Variants in TP73 observed in about 807,000 individuals in gnomAD.
TP73 encodes tumor protein p73.
TP73 carries 25 observed loss-of-function variants against 62.5 expected under a neutral mutation model. That is an observed-to-expected ratio of 0.40 (90% CI 0.29 to 0.56). The LOEUF is 0.56. Among genes scored for constraint, TP73 ranks in the 20% least tolerant of loss-of-function variants. The probability of loss-of-function intolerance (pLI) is 0.46; values close to 1 mark genes in which losing one functional copy is unlikely to be tolerated. For missense variants in TP73, 754 were observed against 913.3 expected, an observed-to-expected ratio of 0.83 and a Z score of 2.25; for synonymous variants, 423 against 377.5, an observed-to-expected ratio of 1.12 and a Z score of -1.40.
intron 5 of TP73, among the ~76,000 whole-genome samples, chr1:3,722,529 G>A (rs769430973): frequency 3.0e-4 from 46 of 152,328 alleles, no homozygotes; most frequent in Non-Finnish European, 6.0e-4. Context: ...CCAAGGATTA[G>A]CAGGAGAATC....
chr1:3,677,429 C>T lies in TP73; in HGVS notation c.-33-4904C>T, dbSNP rs114637627. Among the ~76,000 whole-genome samples the T allele has an allele frequency of 5.6e-3, 847 of 152,248 alleles. 7 individuals are homozygous for T. The highest frequency in any genetic ancestry group is 0.019 in the African/African-American group (788 of 41,528). ...GGCCTCATGGAAGTTGGGGCAGGGT[C>T]GAGGTGCCCTGCTTCCTGGGTGTGC... On this transcript the variant is annotated intron_variant, in intron 1 of 13. Transcript: ENST00000378295.
At chr1:3,654,096 C>T (rs1286235276) in intron 1 of TP73, among the ~76,000 whole-genome samples, 2 of 152,198 alleles carry the variant, frequency 1.3e-5, no homozygotes, top group African/African-American at 4.8e-5. Context: ...ATTGCTTGAA[C>T]CTGGGATGGA....
chr1:3,735,316 T>C lies in TP73; in HGVS notation c.*2237T>C, dbSNP rs1483779172. On this transcript the variant is annotated 3_prime_UTR_variant, in exon 14 of 14. Coordinates refer to ENST00000378295, the MANE Select transcript of TP73 (RefSeq NM_005427.4). ...AGGGCTTGTTGATTTGTTTCTTAGG[T>C]ACGTTACCTGTCCACCCTGAGTCCA... The C allele has an allele frequency of 6.6e-6, 1 of 151,636 alleles. No individual in the cohort carries two copies. The highest frequency in any genetic ancestry group is 2.4e-5 in the African/African-American group (1 of 41,238). 9.4% of individuals were successfully genotyped at this position (151,636 alleles called of 1,614,324 possible). A position where few individuals can be genotyped will look rare whatever the true frequency, so the allele number is the denominator to read the frequency against.
chr1:3,714,452 GAGGATGGTGGGGGCA>G (rs960175218), intron 4 of TP73, among the ~76,000 whole-genome samples: 2 of 152,228 alleles, frequency 1.3e-5, no homozygotes, highest in African/African-American at 2.4e-5. Flanking sequence ...GGGTGGGGGT[GAGGATGGTGGGGGCA>G]AGGATGGTGG....
At position 3,707,696 on chromosome 1, in the gene TP73, G is replaced by T. The variant is rs756265756; in HGVS notation, c.334G>T (p.Ala112Ser). The T allele has an allele frequency of 9.9e-6, 16 of 1,613,112 alleles. No homozygotes were observed. The Admixed American group carries it at 2.7e-4, about 27-fold the overall frequency. ...PSSTFDTMSP[A>S]PVIPSNTDYP... is the part of the protein sequence containing the mutation. ...CTCCACCTTCGACACCATGTCGCCG[G>T]CGCCTGTCATCCCCTCCAACACCGA... Residue 112 changes from alanine (A) to serine (S), a missense_variant, in exon 4 of 14, where the codon GCG (alanine) becomes TCG (serine). Transcript: ENST00000378295.
Position 3,692,565 on chromosome 1 carries a change from G to A in TP73, c.186+9385G>A, listed in dbSNP as rs532716448. On this transcript the variant is annotated intron_variant, in intron 3 of 13. Transcript: ENST00000378295. ...AACGCACAGCAGGCCTGGGGCTCCT[G>A]GGGGGCTGCCTTGTACCCCCAGACT... 5.9e-4 allele frequency among the ~76,000 whole-genome samples: 90 copies of A among 152,156 alleles called. 1 individual carries two copies. The highest frequency in any genetic ancestry group is 1.1e-3 in the Non-Finnish European group (75 of 68,016).
rs764474137 is a variant in TP73, at chr1:3,731,051, C to G, written c.1470C>G (p.Asp490Glu). Reference protein sequence around the residue: ...HCTPPPPYHADPSLVSFLTGL... With the variant: ...HCTPPPPYHAEPSLVSFLTGL... ...CTCCGCCACCCCCCTACCACGCCGA[C>G]CCCAGCCTCGTCAGGTGCGTGGGCT... Residue 490 changes from aspartate (D) to glutamate (E), a missense_variant, in exon 12 of 14, where the codon GAC (aspartate) becomes GAG (glutamate). By Grantham distance (45) the Asp-to-Glu change is conservative. Around this residue, in one of 3 missense-constraint regions of TP73, gnomAD observed 458 missense variants for 528.7 expected, o/e 0.87. Coordinates refer to ENST00000378295, the MANE Select transcript of TP73 (RefSeq NM_005427.4). 2 of 1,611,672 alleles carry G rather than the reference C, an allele frequency of 1.2e-6. No individual in the cohort carries two copies. Among genetic ancestry groups the G allele is most frequent in the Admixed American group, 3.3e-5 (2 of 59,946 alleles).
rs1055838968 is a variant in TP73, at chr1:3,663,182, C to T, written c.-34+10541C>T. ...GGGGAGAAGGGGCCTCTCTTCTTCA[C>T]GAGGCTGGTGGCTGCGGCACCTACA... is the stretch of plus-strand genomic sequence containing the variant. On this transcript the variant is annotated intron_variant, in intron 1 of 13. Transcript: ENST00000378295. The surrounding 1 kb of genome is among the most constrained non-coding windows in gnomAD (Gnocchi z 4.7). Among the ~76,000 whole-genome samples, 4 of 152,230 alleles carry T rather than the reference C, an allele frequency of 2.6e-5. No homozygotes were observed. The highest frequency in any genetic ancestry group is 5.9e-5 in the Non-Finnish European group (4 of 68,022).
Position 3,699,488 on chromosome 1 carries a change from G to C in TP73, c.187-8061G>C, listed in dbSNP as rs1638972511. On this transcript the variant is annotated intron_variant, in intron 3 of 13. Coordinates refer to ENST00000378295, the MANE Select transcript of TP73 (RefSeq NM_005427.4). The surrounding 1 kb of genome is among the most constrained non-coding windows in gnomAD (Gnocchi z 4.1). ...TGTCCAGGCTGGAGGGAGAAGGCCA[G>C]GAGGCCAGAGGGAGGCCAGCTGAGC... Among the ~76,000 whole-genome samples the C allele has an allele frequency of 2.0e-5, 3 of 152,206 alleles. No homozygotes were observed. The highest frequency in any genetic ancestry group is 7.2e-5 in the African/African-American group (3 of 41,460).
At chr1:3,693,770 A>ACAATCCTAGTCC (rs1459985902) in intron 3 of TP73, among the ~76,000 whole-genome samples, 1 of 43,456 alleles carries the variant, frequency 2.3e-5, no homozygotes, top group Non-Finnish European at 5.1e-5. Context: ...AATCCCACCC[A>ACAATCCTAGTCC]TGCAGCCTCA....
At chr1:3,729,657 T>G in intron 10 of TP73, 3 of 907,222 alleles carry the variant, frequency 3.3e-6, no homozygotes, top group Non-Finnish European at 5.3e-6. Context: ...TCATGGCCCT[T>G]GCTATGCCTC....
chr1:3,659,637 A>G (rs987642205), intron 1 of TP73, among the ~76,000 whole-genome samples: 3 of 152,118 alleles, frequency 2.0e-5, no homozygotes, highest in Non-Finnish European at 2.9e-5. Context: ...TGTTCTTTCT[A>G]CATCACCCCT....
rs370414768 is a variant in TP73, at chr1:3,657,446, GATCTT to G, written c.-34+4811_-34+4815del. Among the ~76,000 whole-genome samples the G allele has an allele frequency of 5.7e-3, 863 of 152,272 alleles. 6 individuals carry two copies. Among genetic ancestry groups the G allele is most frequent in the African/African-American group, 0.017 (719 of 41,558 alleles). ...CGGGCCCACCTGGAAAATCCAGAAT[GATCTT>G]ATCTTGAGACCCTTACCTAAGTGGC... is the stretch of plus-strand genomic sequence containing the variant. On this transcript the variant is annotated intron_variant, in intron 1 of 13. Transcript: ENST00000378295.
At position 3,707,785 on chromosome 1, in the gene TP73, C is replaced by G; in HGVS notation, c.423C>G (p.Thr141=). ...AGTCCAGCACGGCCAAGTCAGCCACCTGGACGGTGAGTTCCCCTAGTCCCT... is the reference window on the plus strand; with the variant it reads ...AGTCCAGCACGGCCAAGTCAGCCACGTGGACGGTGAGTTCCCCTAGTCCCT... ...FQQSSTAKSA[T]WTYSPLLKKL... Residue 141 remains threonine, a synonymous_variant, in exon 4 of 14, where the codon ACC becomes ACG. Coordinates refer to ENST00000378295, the MANE Select transcript of TP73 (RefSeq NM_005427.4). 2 of 1,612,670 alleles carry G rather than the reference C, an allele frequency of 1.2e-6. No individual in the cohort carries two copies. Among genetic ancestry groups the G allele is most frequent in the Non-Finnish European group, 8.5e-7 (1 of 1,179,856 alleles).
rs113289380 is a variant in TP73, at chr1:3,699,538, C to G, written c.187-8011C>G. Among the ~76,000 whole-genome samples the G allele has an allele frequency of 1.2e-4, 18 of 152,174 alleles. No homozygotes were observed. The highest frequency in any genetic ancestry group is 2.6e-4 in the Non-Finnish European group (18 of 68,024). ...CCCTCAGGAGACTCCAGGCAGGCCC[C>G]GATGCCAGACTCCAGCCCTCAAACA... On this transcript the variant is annotated intron_variant, in intron 3 of 13. Coordinates refer to ENST00000378295, the MANE Select transcript of TP73 (RefSeq NM_005427.4). The surrounding 1 kb of genome is among the most constrained non-coding windows in gnomAD (Gnocchi z 4.1).
At chr1:3,679,382 G>A (rs912789942) in intron 1 of TP73, among the ~76,000 whole-genome samples, 4 of 152,166 alleles carry the variant, frequency 2.6e-5, no homozygotes, top group African/African-American at 2.4e-5. Flanking sequence ...GGGGTGCGGC[G>A]GGATGCCGTC....
Position 3,701,689 on chromosome 1 carries a change from A to T in TP73, c.187-5860A>T, listed in dbSNP as rs372604721. ...CCAGCTAATTTTTTTTTGTAGTTTT[A>T]GTAGAGACGGGGTTTCACCATATTG... is the stretch of plus-strand genomic sequence containing the variant. On this transcript the variant is annotated intron_variant, in intron 3 of 13. Coordinates refer to ENST00000378295, the MANE Select transcript of TP73 (RefSeq NM_005427.4). The surrounding 1 kb of genome is among the most constrained non-coding windows in gnomAD (Gnocchi z 4.7). 6.6e-6 allele frequency among the ~76,000 whole-genome samples: 1 copy of T among 151,920 alleles called. No homozygotes were observed. Among genetic ancestry groups the T allele is most frequent in the East Asian group, 1.9e-4 (1 of 5,178 alleles).
At chr1:3,731,119 C>G in intron 12 of TP73, 54 bp downstream of exon 12, 2 of 1,581,128 alleles carry the variant, frequency 1.3e-6, no homozygotes, top group Admixed American at 3.4e-5. Context: ...CTGTTCACCT[C>G]TGTCCTTCTG....
intron 1 of TP73, among the ~76,000 whole-genome samples, chr1:3,661,545 C>T (rs1644987186): frequency 6.6e-6 from 1 of 151,450 alleles, no homozygotes; most frequent in Non-Finnish European, 1.5e-5. Context: ...CCCGTCTCTA[C>T]CAAAAATACA....
Sources: gnomAD v4.1 joint callset for allele counts (sites outside exome capture counted in the v4.1 genomes callset) on GRCh38, gnomAD v4.1.1 for gene constraint, gnomAD v4.1.1 regional missense constraint, Gnocchi (gnomAD v3.1) non-coding constraint, MANE v1.5 for transcripts, NCBI Gene and HGNC (gene_info 2026-07-23, HGNC 2026-07-21) for gene names.